The following PCDH15 variants were observed in gnomAD, a reference collection of about 807,000 sequenced individuals.
The protein encoded by PCDH15 is protocadherin-15.
In PCDH15, 129 loss-of-function variants were observed where a neutral mutation model predicts 178.5. That is an observed-to-expected ratio of 0.72 (90% CI 0.63 to 0.84). The LOEUF is 0.84. PCDH15 is among the 40% of genes least tolerant of loss of function. The pLI is 0.00. For missense variants in PCDH15, 2,230 were observed against 2,099.9 expected, an observed-to-expected ratio of 1.06 and a Z score of -1.21; for synonymous variants, 800 against 732.0, an observed-to-expected ratio of 1.09 and a Z score of -1.50.
chr10:54,674,276 G>T (rs1441938336), intron 1 of PCDH15, among the ~76,000 whole-genome samples: 1 of 152,142 alleles, frequency 6.6e-6, no homozygotes, highest in South Asian at 2.1e-4. Context: ...TAATGCTAAT[G>T]GTGAATATTT....
intron 2 of PCDH15, among the ~76,000 whole-genome samples, chr10:54,626,362 C>T (rs1436542845): frequency 6.6e-6 from 1 of 152,162 alleles, no homozygotes; most frequent in Non-Finnish European, 1.5e-5. Flanking sequence ...TACCACAGGC[C>T]TGGAAGACTA....
At chr10:54,141,013 A>T (rs2043357190) in intron 14 of PCDH15, among the ~76,000 whole-genome samples, 1 of 151,802 alleles carries the variant, frequency 6.6e-6, no homozygotes, top group Non-Finnish European at 1.5e-5. Flanking sequence ...TTTATTTGCT[A>T]TTTGTTCTAC....
At chr10:54,930,146 G>A (rs1591790598) in intron 2 of PCDH15, among the ~76,000 whole-genome samples, 1 of 152,100 alleles carries the variant, frequency 6.6e-6, no homozygotes, top group Non-Finnish European at 1.5e-5. Context: ...TGCCAACCAC[G>A]TGTACAGTAA....
At chr10:55,283,259 G>T (rs1392846241) in intron 1 of PCDH15, among the ~76,000 whole-genome samples, 1 of 152,016 alleles carries the variant, frequency 6.6e-6, no homozygotes, top group Non-Finnish European at 1.5e-5. Flanking sequence ...CCTTACCCAA[G>T]AAATGACTCA....
At chr10:54,979,471 C>G (rs577458484) in intron 2 of PCDH15, among the ~76,000 whole-genome samples, 10 of 152,026 alleles carry the variant, frequency 6.6e-5, no homozygotes, top group Admixed American at 2.0e-4. Flanking sequence ...GAGTTCAAGA[C>G]CAGCCTGGCC....
At chr10:54,099,086 A>G (rs2094755489) in intron 15 of PCDH15, among the ~76,000 whole-genome samples, 1 of 152,192 alleles carries the variant, frequency 6.6e-6, no homozygotes, top group Non-Finnish European at 1.5e-5. Context: ...CCTTCACTAG[A>G]TAAAAACCAG....
At chr10:54,944,236 G>A (rs1046494593) in intron 2 of PCDH15, among the ~76,000 whole-genome samples, 2 of 151,884 alleles carry the variant, frequency 1.3e-5, no homozygotes, top group Non-Finnish European at 2.9e-5. Context: ...GTTGAGAAAG[G>A]GTTTGACAAA....
chr10:54,753,940 C>T (rs1464276054), intron 1 of PCDH15, among the ~76,000 whole-genome samples: 1 of 137,486 alleles, frequency 7.3e-6, no homozygotes, highest in Non-Finnish European at 1.5e-5. Context: ...GTTGCCCAGG[C>T]TGGAGTGCAG....
At chr10:55,014,877 G>A (rs188556538) in intron 2 of PCDH15, among the ~76,000 whole-genome samples, 5 of 152,138 alleles carry the variant, frequency 3.3e-5, no homozygotes, top group Non-Finnish European at 7.3e-5. Flanking sequence ...CTATTGTGTC[G>A]CCATGTCCTC....
Position 54,570,211 on chromosome 10 carries a change from A to T in PCDH15, c.92-42334T>A, listed in dbSNP as rs548868411. On this transcript the variant is annotated intron_variant, in intron 2 of 37. Coordinates refer to ENST00000644397, the MANE Select transcript of PCDH15 (RefSeq NM_001384140.1). ...CCATACTGGAGCCTAAGGCAAAAGGAAAGTGTCTGGCTATATACGTGACTT... is the reference window on the plus strand; with the variant it reads ...CCATACTGGAGCCTAAGGCAAAAGGTAAGTGTCTGGCTATATACGTGACTT... Among the ~76,000 whole-genome samples, 54 of 152,234 alleles carry T rather than the reference A, an allele frequency of 3.5e-4. No homozygotes were observed. In the South Asian group the frequency reaches 4.4e-3, roughly 12 times the overall value.
chr10:54,893,635 T>C (rs945467034), intron 3 of PCDH15, among the ~76,000 whole-genome samples: 4 of 152,090 alleles, frequency 2.6e-5, no homozygotes, highest in Non-Finnish European at 5.9e-5. Flanking sequence ...AATCTGAGAT[T>C]AAATTAAATT....
intron 3 of PCDH15, among the ~76,000 whole-genome samples, chr10:54,824,811 AATGTT>A (rs1464298801): frequency 6.6e-5 from 10 of 152,254 alleles, no homozygotes. Context: ...AAGATGGGAA[AATGTT>A]ATGTTATCTT....
chr10:54,876,114 C>A (rs924682870), intron 3 of PCDH15, among the ~76,000 whole-genome samples: 27 of 152,050 alleles, frequency 1.8e-4, no homozygotes, highest in African/African-American at 6.3e-4. Context: ...ATCCTAGGGC[C>A]CTTAAAAACT....
At chr10:55,196,978 G>A (rs1840110501) in intron 1 of PCDH15, among the ~76,000 whole-genome samples, 1 of 151,790 alleles carries the variant, frequency 6.6e-6, no homozygotes, top group East Asian at 1.9e-4. Context: ...TAATCCTATT[G>A]TATATCTTTG....
intron 2 of PCDH15, among the ~76,000 whole-genome samples, chr10:55,048,547 C>T (rs1201392807): frequency 6.6e-6 from 1 of 151,842 alleles, no homozygotes; most frequent in Non-Finnish European, 1.5e-5. Context: ...AGAAAAATAA[C>T]ATATCTTAAT....
At chr10:54,519,046 T>A (rs1006163549) in intron 3 of PCDH15, among the ~76,000 whole-genome samples, 1 of 152,196 alleles carries the variant, frequency 6.6e-6, no homozygotes, top group Non-Finnish European at 1.5e-5. Flanking sequence ...AAATTAGGTA[T>A]TGATGGGACT....
intron 1 of PCDH15, among the ~76,000 whole-genome samples, chr10:55,169,687 C>T (rs541553089): frequency 1.7e-4 from 26 of 152,254 alleles, no homozygotes; most frequent in African/African-American, 5.3e-4. Flanking sequence ...TATGAAACTA[C>T]GTCATATGTT....
chr10:53,920,576 A>G (rs549572929), intron 25 of PCDH15, among the ~76,000 whole-genome samples: 5 of 152,254 alleles, frequency 3.3e-5, no homozygotes, highest in African/African-American at 1.2e-4. Flanking sequence ...TGTTAATGTT[A>G]TGATGGAAGA....
chr10:53,959,776 G>A lies in PCDH15; in HGVS notation c.3078C>T (p.Val1026=), dbSNP rs535499066. ...MSSSATVKIL[V]LHPGEIPRFT... ...AGCGTGGGATCTCACCAGGATGTAA[G>A]ACAAGAATCTTCACTGTGGCACTGC... is the stretch of plus-strand genomic sequence containing the variant. The change falls in exon 23 of 38, where the codon GTC becomes GTT. Residue 1026 remains valine, a synonymous_variant. Transcript: ENST00000644397. 3 of 1,613,996 alleles carry A rather than the reference G, an allele frequency of 1.9e-6. 1 individual carries two copies. The South Asian group carries it at 3.3e-5, about 18-fold the overall frequency.
Sources: gnomAD v4.1 joint callset for allele counts (sites outside exome capture counted in the v4.1 genomes callset) on GRCh38, gnomAD v4.1.1 for gene constraint, MANE v1.5 for transcripts, NCBI Gene and HGNC (gene_info 2026-07-23, HGNC 2026-07-21) for gene names.